Variants in SYNPO2 observed in about 807,000 individuals in gnomAD.
SYNPO2 encodes synaptopodin 2.
In SYNPO2, 56 loss-of-function variants were observed where a neutral mutation model predicts 85.0. The observed-to-expected ratio is 0.66, with a 90% CI of 0.53 to 0.82. The LOEUF (loss-of-function observed/expected upper bound fraction) is 0.82. SYNPO2 is among the 40% of genes least tolerant of loss of function. The pLI, the probability that SYNPO2 is intolerant of heterozygous loss-of-function variation, is 0.00. For missense variants in SYNPO2, 1,575 were observed against 1,534.2 expected, an observed-to-expected ratio of 1.03 and a Z score of -0.44; for synonymous variants, 602 against 591.1, an observed-to-expected ratio of 1.02 and a Z score of -0.27.
chr4:118,918,681 A>T (rs1733436701), intron 1 of SYNPO2, among the ~76,000 whole-genome samples: 1 of 152,210 alleles, frequency 6.6e-6, no homozygotes. Context: ...AATTTTACAG[A>T]TTGCGTTTAC....
rs1340672898 is a variant in SYNPO2 at position 118,947,639 on chromosome 4, A to G, written c.105+58498A>G. On this transcript the variant is annotated intron_variant, in intron 1 of 4. Coordinates refer to ENST00000307142, the MANE Select transcript of SYNPO2 (RefSeq NM_133477.3). ...AAAACCTAGCCCAGGAGAAGTAATC[A>G]TCACACTTCTGCTTTAGAATTGATT... 2.6e-5 allele frequency among the ~76,000 whole-genome samples: 4 copies of G among 152,346 alleles called. No homozygotes were observed. In the East Asian group the frequency reaches 7.7e-4, roughly 29 times the overall value.
chr4:119,052,272 C>G (rs1739076953), intron 4 of SYNPO2, among the ~76,000 whole-genome samples: 3 of 152,122 alleles, frequency 2.0e-5, no homozygotes, highest in Non-Finnish European at 4.4e-5. Context: ...CTGGGGTCAA[C>G]CTGGGGCCTC....
At chr4:118,960,002 T>C (rs1364730308) in intron 1 of SYNPO2, among the ~76,000 whole-genome samples, 2 of 152,046 alleles carry the variant, frequency 1.3e-5, no homozygotes, top group Non-Finnish European at 2.9e-5. Context: ...AAGAGACACA[T>C]AGGAAAGATA....
At chr4:119,010,553 T>C (rs12502597) in intron 1 of SYNPO2, among the ~76,000 whole-genome samples, 21,250 of 152,124 alleles carry the variant, frequency 0.14, 1,798 homozygotes, top group South Asian at 0.32. Flanking sequence ...AAGATGAGAT[T>C]TGGGTGGGAA....
At chr4:118,857,867 C>T (rs1731534452) in intron 1 of SYNPO2, among the ~76,000 whole-genome samples, 1 of 152,128 alleles carries the variant, frequency 6.6e-6, no homozygotes. Flanking sequence ...TCTTGGCTAT[C>T]TTTACAAAAA....
chr4:118,929,627 T>A (rs1197731411), intron 1 of SYNPO2, among the ~76,000 whole-genome samples: 2 of 152,194 alleles, frequency 1.3e-5, no homozygotes, highest in Non-Finnish European at 2.9e-5. Flanking sequence ...CCTCATTTTT[T>A]TTTGTTGTAC....
chr4:118,872,276 A>G (rs1488311971), intron 1 of SYNPO2, among the ~76,000 whole-genome samples: 2 of 152,160 alleles, frequency 1.3e-5, no homozygotes, highest in Non-Finnish European at 2.9e-5. Context: ...CCAGGGTGAC[A>G]CTATTTTAAA....
At chr4:118,851,051 C>T (rs1477141239) in intron 1 of SYNPO2, 1 of 397,964 alleles carries the variant, frequency 2.5e-6, no homozygotes, top group Non-Finnish European at 4.4e-6. Context: ...TCAGCTTTTA[C>T]TCATACCTTT....
At chr4:118,918,352 C>T (rs971718890) in intron 1 of SYNPO2, among the ~76,000 whole-genome samples, 1 of 151,992 alleles carries the variant, frequency 6.6e-6, no homozygotes, top group African/African-American at 2.4e-5. Context: ...TTAAACAAAC[C>T]TACAGATGTG....
intron 1 of SYNPO2, among the ~76,000 whole-genome samples, chr4:118,903,974 C>T (rs568330412): frequency 1.1e-3 from 160 of 152,202 alleles, no homozygotes; most frequent in Admixed American, 4.2e-3. Flanking sequence ...CCTCAGCCTC[C>T]CAAAGTGCTA....
rs1306896917 is a variant in SYNPO2 at position 119,030,098 on chromosome 4, C to A, written c.1323C>A (p.Ser441Arg). Reference sequence around the variant, plus strand: ...GTGAAGTAGCATTTCTTGGTGCAAGCGAATCAGAGGTGGATGAAGAGTTAT... The same window carrying A: ...GTGAAGTAGCATTTCTTGGTGCAAGAGAATCAGAGGTGGATGAAGAGTTAT... ...DTCEVAFLGA[S>R]ESEVDEELLS... The change falls in exon 4 of 5, where the codon AGC (serine) becomes AGA (arginine). Residue 441 changes from serine (S) to arginine (R), a missense_variant. Coordinates refer to ENST00000307142, the MANE Select transcript of SYNPO2 (RefSeq NM_133477.3). 6.2e-7 allele frequency: 1 copy of A among 1,613,904 alleles called. No homozygotes were observed. Among genetic ancestry groups the A allele is most frequent in the East Asian group, 2.2e-5 (1 of 44,858 alleles).
intron 1 of SYNPO2, among the ~76,000 whole-genome samples, chr4:119,004,634 C>T (rs1425362995): frequency 1.4e-5 from 2 of 145,566 alleles, no homozygotes; most frequent in East Asian, 4.0e-4. Context: ...CATTGTTGGA[C>T]ATTTGGGTTG....
intron 1 of SYNPO2, among the ~76,000 whole-genome samples, chr4:118,970,081 A>G (rs1002534803): frequency 2.1e-4 from 32 of 152,206 alleles, no homozygotes; most frequent in Admixed American, 6.5e-5. Context: ...TAATCGACAT[A>G]TATGAGCCTT....
chr4:118,897,349 T>C (rs932446176), intron 1 of SYNPO2, among the ~76,000 whole-genome samples: 9 of 152,106 alleles, frequency 5.9e-5, no homozygotes, highest in Admixed American at 5.9e-4. Context: ...TGAGATGAGA[T>C]TTCAGTGGGG....
chr4:118,906,731 C>T (rs770985111), intron 1 of SYNPO2, among the ~76,000 whole-genome samples: 1 of 151,986 alleles, frequency 6.6e-6, no homozygotes, highest in Non-Finnish European at 1.5e-5. Flanking sequence ...TTAGTGTGTA[C>T]CTTACTAGAT....
intron 1 of SYNPO2, among the ~76,000 whole-genome samples, chr4:118,904,378 G>A (rs1316295900): frequency 6.6e-6 from 1 of 152,196 alleles, no homozygotes; most frequent in African/African-American, 2.4e-5. Flanking sequence ...AGTCCTTGGA[G>A]TCCCACCTTG....
intron 1 of SYNPO2, among the ~76,000 whole-genome samples, chr4:118,894,446 G>A (rs992152044): frequency 6.6e-6 from 1 of 152,064 alleles, no homozygotes; most frequent in African/African-American, 2.4e-5. Flanking sequence ...TGGCAAGAGG[G>A]GAGACTAGCA....
chr4:118,854,666 C>T (rs773085489), intron 1 of SYNPO2, among the ~76,000 whole-genome samples: 6 of 152,054 alleles, frequency 3.9e-5, no homozygotes, highest in African/African-American at 7.2e-5. Flanking sequence ...AAACAATATT[C>T]CACCAAATTA....
Position 119,022,747 on chromosome 4 carries a change from A to ATG in SYNPO2, c.106-682_106-681insGT, listed in dbSNP as rs1266032090. 8.6e-4 allele frequency among the ~76,000 whole-genome samples: 113 copies of ATG among 131,856 alleles called. 1 individual carries two copies. Among genetic ancestry groups the ATG allele is most frequent in the African/African-American group, 2.4e-3 (87 of 36,060 alleles). 86.5% of individuals were successfully genotyped at this position (131,856 alleles called of 152,430 possible). On this transcript the variant is annotated intron_variant, in intron 1 of 4. Coordinates refer to ENST00000307142, the MANE Select transcript of SYNPO2 (RefSeq NM_133477.3). ...TTAATTTTATTTTATTTTATGTTTTATTTTATTTTATTTTATATTTTATTT... is the reference window on the plus strand; with the variant it reads ...TTAATTTTATTTTATTTTATGTTTTATGTTTTATTTTATTTTATATTTTATTT...
Sources: gnomAD v4.1 joint callset for allele counts (sites outside exome capture counted in the v4.1 genomes callset) on GRCh38, gnomAD v4.1.1 for gene constraint, MANE v1.5 for transcripts, NCBI Gene and HGNC (gene_info 2026-07-23, HGNC 2026-07-21) for gene names.